The following ULK4 variants were observed in gnomAD, a reference collection of about 807,000 sequenced individuals.
The protein encoded by ULK4 is inactive serine/threonine-protein kinase ULK4.
In ULK4, 133 loss-of-function variants were observed where a neutral mutation model predicts 160.6. The observed-to-expected ratio is 0.83, with a 90% confidence interval of 0.72 to 0.96. ULK4 has a LOEUF of 0.96. Among genes scored for constraint, ULK4 ranks in the 40% least tolerant of loss-of-function variants. ULK4 has a pLI of 0.00. For synonymous variants in ULK4, 534 were observed against 539.8 expected (o/e 0.99, Z 0.15); for missense variants, 1,580 against 1,499.5 (o/e 1.05, Z -0.89).
intron 34 of ULK4, among the ~76,000 whole-genome samples, chr3:41,454,730 T>C (rs1283484190): frequency 6.6e-6 from 1 of 152,072 alleles, no homozygotes; most frequent in African/African-American, 2.4e-5. Context: ...TCTCGCTTTT[T>C]CACCCAGGCT....
At chr3:41,456,390 T>C (rs1018408309) in intron 33 of ULK4, among the ~76,000 whole-genome samples, 32 of 118,016 alleles carry the variant, frequency 2.7e-4, no homozygotes, top group African/African-American at 1.1e-3. Context: ...ACATGATACA[T>C]ACCAAGTGCA....
rs1160918713 is a variant in ULK4, at chr3:41,935,841, T to C, written c.338A>G (p.His113Arg). The C allele has an allele frequency of 4.3e-6, 7 of 1,613,174 alleles. No individual in the cohort carries two copies. Among genetic ancestry groups the C allele is most frequent in the African/African-American group, 1.3e-5 (1 of 74,902 alleles). The change falls in exon 4 of 37, where the codon CAT (histidine) becomes CGT (arginine). Residue 113 changes from histidine to arginine, a missense_variant. Coordinates refer to ENST00000301831, the MANE Select transcript of ULK4 (RefSeq NM_017886.4). ...GTCACAAAAGAGAATGCCAAGTTTA[T>C]GAAGATGATGTAATCCACTAATCAG... ...IDLISGLHHL[H>R]KLGILFCDIS...
intron 2 of ULK4, among the ~76,000 whole-genome samples, chr3:41,939,009 C>A (rs944436910): frequency 4.6e-5 from 7 of 152,030 alleles, no homozygotes; most frequent in Admixed American, 6.5e-5. Context: ...AAAATATCGT[C>A]AACATTAAAA....
chr3:41,549,952 T>A (rs1419035695), intron 32 of ULK4, among the ~76,000 whole-genome samples: 2 of 152,212 alleles, frequency 1.3e-5, no homozygotes, highest in South Asian at 4.1e-4. Context: ...AAGAACACTA[T>A]GTCTAGCAAA....
intron 32 of ULK4, among the ~76,000 whole-genome samples, chr3:41,549,670 G>C (rs1422228862): frequency 6.6e-6 from 1 of 151,964 alleles, no homozygotes; most frequent in Non-Finnish European, 1.5e-5. Flanking sequence ...AAGATCTTTA[G>C]ACTCCAGAAA....
At chr3:41,625,526 G>A (rs1445956522) in intron 30 of ULK4, among the ~76,000 whole-genome samples, 1 of 152,102 alleles carries the variant, frequency 6.6e-6, no homozygotes, top group Non-Finnish European at 1.5e-5. Context: ...GAGCAGCTCC[G>A]GTGCTCAGGC....
chr3:41,902,327 C>T (rs751049686), intron 12 of ULK4, among the ~76,000 whole-genome samples: 1 of 152,112 alleles, frequency 6.6e-6, no homozygotes, highest in African/African-American at 2.4e-5. Context: ...GGCCTGTAAT[C>T]CCAGCACTTT....
At chr3:41,779,960 A>G (rs2039767226) in intron 21 of ULK4, among the ~76,000 whole-genome samples, 1 of 96,796 alleles carries the variant, frequency 1.0e-5, no homozygotes, top group East Asian at 2.2e-4. Context: ...CAATGTGCAC[A>G]TGTACCCTAA....
chr3:41,835,799 A>G, intron 18 of ULK4, 65 bp downstream of exon 18: 1 of 1,266,410 alleles, frequency 7.9e-7, no homozygotes, highest in Non-Finnish European at 1.1e-6. Flanking sequence ...TAGGATATTA[A>G]TACTTGTCAG....
intron 29 of ULK4, among the ~76,000 whole-genome samples, chr3:41,671,826 A>G (rs77036222): frequency 0.042 from 6,447 of 152,148 alleles, 444 homozygotes; most frequent in African/African-American, 0.15. Flanking sequence ...CACAACCAAG[A>G]GGGGAACTAA....
At chr3:41,816,963 GA>G (rs1270049724) in intron 19 of ULK4, among the ~76,000 whole-genome samples, 1 of 152,040 alleles carries the variant, frequency 6.6e-6, no homozygotes, top group Non-Finnish European at 1.5e-5. Flanking sequence ...TAGACCAACA[GA>G]ACCAAATAGA....
chr3:41,909,924 T>C (rs183244938), intron 11 of ULK4, among the ~76,000 whole-genome samples: 326 of 152,288 alleles, frequency 2.1e-3, no homozygotes, highest in African/African-American at 7.6e-3. Flanking sequence ...GAGACGGTGT[T>C]TCGCTCTTGT....
At chr3:41,556,325 C>T (rs1190008754) in intron 32 of ULK4, among the ~76,000 whole-genome samples, 5 of 151,804 alleles carry the variant, frequency 3.3e-5, no homozygotes, top group Non-Finnish European at 7.4e-5. Context: ...ATAAGTGTTC[C>T]AGGAAAATAT....
At chr3:41,655,459 A>G (rs1293328637) in intron 30 of ULK4, among the ~76,000 whole-genome samples, 1 of 152,026 alleles carries the variant, frequency 6.6e-6, no homozygotes, top group Non-Finnish European at 1.5e-5. Flanking sequence ...GCACACCAAC[A>G]TGGCACATGT....
intron 32 of ULK4, among the ~76,000 whole-genome samples, chr3:41,538,014 T>C (rs2700445): frequency 1.3e-5 from 2 of 152,032 alleles, no homozygotes; most frequent in African/African-American, 2.4e-5. Context: ...TTCTTAATGG[T>C]GCCTGGGAAC....
At chr3:41,492,329 C>A (rs1329516524) in intron 32 of ULK4, among the ~76,000 whole-genome samples, 2 of 152,102 alleles carry the variant, frequency 1.3e-5, no homozygotes, top group Non-Finnish European at 2.9e-5. Context: ...AATGGTTGAA[C>A]TAGTTTACAG....
Position 41,717,877 on chromosome 3 carries a change from T to G in ULK4, c.2322-16A>C. The stretch of plus-strand genomic sequence containing the variant: ...CATCACCAGTCTACATACAGGAAAG[T>G]GCAAAGATTACCTCTCATGATAAAA... On this transcript the variant is annotated splice_polypyrimidine_tract_variant and intron_variant, in intron 22 of 36. Transcript: ENST00000301831. 1 of 1,612,370 alleles carries G rather than the reference T, an allele frequency of 6.2e-7. No individual in the cohort carries two copies. The highest frequency in any genetic ancestry group is 1.1e-5 in the South Asian group (1 of 90,900).
chr3:41,567,831 A>C (rs935330935), intron 31 of ULK4, among the ~76,000 whole-genome samples: 1 of 152,148 alleles, frequency 6.6e-6, no homozygotes, highest in Non-Finnish European at 1.5e-5. Context: ...GATTTTAATA[A>C]GCTTTTCTTT....
intron 18 of ULK4, among the ~76,000 whole-genome samples, chr3:41,822,860 T>G (rs1448478980): frequency 6.6e-6 from 1 of 151,714 alleles, no homozygotes; most frequent in Non-Finnish European, 1.5e-5. Flanking sequence ...TAGCTGGGAC[T>G]ACAGGCGCCC....
Sources: allele counts gnomAD v4.1 joint callset (sites outside exome capture counted in the v4.1 genomes callset), GRCh38; gene constraint gnomAD v4.1.1; transcripts MANE v1.5; gene names NCBI Gene and HGNC (gene_info 2026-07-23, HGNC 2026-07-21).